SASH1: variants seen among roughly 807,000 people sequenced by gnomAD.
SASH1 encodes the protein SAM and SH3 domain-containing protein 1.
SASH1 carries 44 observed loss-of-function variants against 125.2 expected under a neutral mutation model. The observed-to-expected ratio is 0.35, with a 90% CI of 0.28 to 0.45. The LOEUF (loss-of-function observed/expected upper bound fraction) is 0.45. Among genes scored for constraint, SASH1 ranks in the 20% least tolerant of loss-of-function variants. The pLI is 1.00. For missense variants in SASH1, 1,426 were observed against 1,614.5 expected (o/e 0.88, Z 2.00); for synonymous variants, 639 against 649.1 (o/e 0.98, Z 0.24).
At chr6:148,545,984 CTT>C (rs755971130) in intron 18 of SASH1, 29 bp from the exon 19 acceptor site, 1 of 1,606,418 alleles carries the variant, frequency 6.2e-7, no homozygotes, top group South Asian at 1.1e-5. Context: ...CCTTATGACT[CTT>C]GATGTCATAT....
At chr6:148,339,023 AAGAGAG>A (rs1187131247), upstream of SASH1, among the ~76,000 whole-genome samples, 19 of 142,750 alleles carry the variant, frequency 1.3e-4, no homozygotes, top group African/African-American at 4.1e-4. Context: ...AAAAAAAAAA[AAGAGAG>A]AGAGAGATAA....
At chr6:148,523,578 G>A (rs1890533) in intron 10 of SASH1, among the ~76,000 whole-genome samples, 55,815 of 151,022 alleles carry the variant, frequency 0.37, 10,897 homozygotes, top group East Asian at 0.61. Flanking sequence ...CAGCAGCATC[G>A]GTGAATAAGA....
At chr6:148,385,922 C>T (rs953212832) in intron 1 of SASH1, among the ~76,000 whole-genome samples, 5 of 152,214 alleles carry the variant, frequency 3.3e-5, no homozygotes, top group African/African-American at 1.2e-4. Context: ...TTCCGAGCCA[C>T]TCTAGCAAAT....
intron 8 of SASH1, chr6:148,509,277 G>A (rs976322034): frequency 4.1e-5 from 9 of 220,120 alleles, no homozygotes; most frequent in Non-Finnish European, 6.4e-5. Context: ...GACCTAGAAA[G>A]CTGAAGTATG....
rs187635810 is a variant in SASH1, at chr6:148,357,739, C to T, written c.156+14516C>T. On this transcript the variant is annotated intron_variant, in intron 1 of 19. Transcript: ENST00000367467. ...ATAGAAAGGCCTACTTCCACGACAT[C>T]GGGAAAGTCAGCCTCCTGTTGTCAC... Among the ~76,000 whole-genome samples, 11 of 152,156 alleles carry T rather than the reference C, an allele frequency of 7.2e-5. No homozygotes were observed. In the East Asian group the frequency reaches 1.5e-3, roughly 21 times the overall value.
At chr6:148,340,121 T>C (rs1444231070), upstream of SASH1, among the ~76,000 whole-genome samples, 1 of 152,148 alleles carries the variant, frequency 6.6e-6, no homozygotes, top group East Asian at 1.9e-4. Context: ...AGTTATTTGC[T>C]GGAAAGTGTT....
intron 1 of SASH1, among the ~76,000 whole-genome samples, chr6:148,383,754 T>G (rs1783248966): frequency 6.6e-6 from 1 of 152,224 alleles, no homozygotes; most frequent in Admixed American, 6.5e-5. Context: ...CCTAGTAGTT[T>G]TAGGTTTTCC....
At chr6:148,193,895 A>G in the SASH1 span, among the ~76,000 whole-genome samples, 3 of 152,200 alleles carry the variant, frequency 2.0e-5, no homozygotes, top group Admixed American at 6.5e-5. Flanking sequence ...TGGAAGCAAT[A>G]TGGTTCACTA....
chr6:148,403,410 T>C (rs1230188369), intron 2 of SASH1, among the ~76,000 whole-genome samples: 1 of 151,304 alleles, frequency 6.6e-6, no homozygotes, highest in Non-Finnish European at 1.5e-5. Flanking sequence ...CAGCCAAAAG[T>C]AATTTTTGCT....
chr6:148,219,956 G>A, the SASH1 span, among the ~76,000 whole-genome samples: 1 of 152,178 alleles, frequency 6.6e-6, no homozygotes, highest in African/African-American at 2.4e-5. Context: ...AGTAGATAGT[G>A]GCAACTATAG....
chr6:148,441,116 T>TA (rs1278759331), intron 4 of SASH1, among the ~76,000 whole-genome samples: 18 of 152,340 alleles, frequency 1.2e-4, no homozygotes, highest in African/African-American at 4.3e-4. Context: ...TCTTCCATGG[T>TA]AAAAAATTTT....
chr6:148,549,813 C>CT lies in SASH1; in HGVS notation c.*1255_*1256insT. The CT allele has an allele frequency of 2.7e-6, 1 of 370,096 alleles. No individual in the cohort carries two copies. The highest frequency in any genetic ancestry group is 4.8e-6 in the Non-Finnish European group (1 of 208,634). 22.9% of individuals were successfully genotyped at this position (370,096 alleles called of 1,614,324 possible). A position where few individuals can be genotyped will look rare whatever the true frequency, so the allele number is the denominator to read the frequency against. The stretch of plus-strand genomic sequence containing the variant: ...TACAACTGATTTCAGCACATTCTAT[C>CT]CTTTTTTTTTTTTGAAATGGAGTTT... On this transcript the variant is annotated 3_prime_UTR_variant, in exon 20 of 20. Transcript: ENST00000367467.
At chr6:148,541,945 A>C (rs1444457931) in intron 17 of SASH1, among the ~76,000 whole-genome samples, 2 of 152,238 alleles carry the variant, frequency 1.3e-5, no homozygotes, top group African/African-American at 4.8e-5. Flanking sequence ...ATCCCAGTAC[A>C]TCCTCAGTTT....
intron 2 of SASH1, among the ~76,000 whole-genome samples, chr6:148,426,308 G>C (rs1214904146): frequency 6.6e-6 from 1 of 151,780 alleles, no homozygotes; most frequent in African/African-American, 2.4e-5. Context: ...CTCATTGTCA[G>C]GGGACCGCTG....
intron 1 of SASH1, among the ~76,000 whole-genome samples, chr6:148,335,934 G>A (rs910984926): frequency 4.6e-5 from 7 of 152,104 alleles, no homozygotes; most frequent in Non-Finnish European, 8.8e-5. Flanking sequence ...CTCATTGGAT[G>A]AGTGGTAGGG....
At chr6:148,391,388 G>A (rs12195109) in intron 2 of SASH1, among the ~76,000 whole-genome samples, 30,848 of 147,408 alleles carry the variant, frequency 0.21, 3,383 homozygotes, top group Admixed American at 0.3. Flanking sequence ...GATTACAGGC[G>A]TGAGCCACCA....
intron 1 of SASH1, among the ~76,000 whole-genome samples, chr6:148,318,710 G>A (rs1165067940): frequency 2.0e-5 from 3 of 147,578 alleles, no homozygotes; most frequent in African/African-American, 4.9e-5. Context: ...CGGCCACCAC[G>A]CTCAGCTAAT....
At chr6:148,249,013 T>A in the SASH1 span, among the ~76,000 whole-genome samples, 1 of 152,218 alleles carries the variant, frequency 6.6e-6, no homozygotes, top group African/African-American at 2.4e-5. Context: ...CCTAGAAATT[T>A]AACAGTTTAC....
intron 2 of SASH1, among the ~76,000 whole-genome samples, chr6:148,394,085 G>A (rs1783847464): frequency 6.6e-6 from 1 of 151,862 alleles, no homozygotes; most frequent in Non-Finnish European, 1.5e-5. Flanking sequence ...TAGAGATAGG[G>A]TTTTACCATG....
Sources: gnomAD v4.1 joint callset for allele counts (sites outside exome capture counted in the v4.1 genomes callset) on GRCh38, gnomAD v4.1.1 for gene constraint, MANE v1.5 for transcripts, NCBI Gene and HGNC (gene_info 2026-07-23, HGNC 2026-07-21) for gene names.